AUTS2: variants seen among roughly 807,000 people sequenced by gnomAD.
AUTS2 encodes the protein activator of transcription and developmental regulator AUTS2.
Under a neutral mutation model 112.4 loss-of-function variants are expected in AUTS2, and 17 were observed. That is an observed-to-expected ratio of 0.15 (90% CI 0.10 to 0.23). The LOEUF is 0.23. Among genes scored for constraint, AUTS2 ranks in the 10% least tolerant of loss-of-function variants. The pLI is 1.00. For synonymous variants in AUTS2, 751 were observed against 702.7 expected (o/e 1.07, Z -1.09); for missense variants, 1,510 against 1,701.6 (o/e 0.89, Z 1.98).
intron 4 of AUTS2, among the ~76,000 whole-genome samples, chr7:70,240,216 T>C (rs984665040): frequency 6.6e-6 from 1 of 152,198 alleles, no homozygotes; most frequent in Non-Finnish European, 1.5e-5. Context: ...ATATGGTGCC[T>C]CTTTCAGAGC....
chr7:70,224,336 A>G (rs142312273), intron 4 of AUTS2, among the ~76,000 whole-genome samples: 163 of 9,856 alleles, frequency 0.017, 1 homozygote, highest in African/African-American at 0.039. Flanking sequence ...GTACAGTACA[A>G]TACAATACAA....
chr7:69,876,355 T>TATATATATAA (rs1793767212), intron 1 of AUTS2, among the ~76,000 whole-genome samples: 1 of 80,490 alleles, frequency 1.2e-5, no homozygotes, highest in African/African-American at 5.2e-5. Flanking sequence ...AAAAAATATA[T>TATATATATAA]ATATATATAT....
chr7:70,074,627 C>G (rs1304588843), intron 2 of AUTS2, among the ~76,000 whole-genome samples: 3 of 152,094 alleles, frequency 2.0e-5, no homozygotes, highest in African/African-American at 7.2e-5. Context: ...TCCATTATAC[C>G]CTGTCTAGTC....
intron 1 of AUTS2, among the ~76,000 whole-genome samples, chr7:69,796,848 T>A (rs1244504923): frequency 6.6e-6 from 1 of 152,230 alleles, no homozygotes; most frequent in African/African-American, 2.4e-5. Context: ...ATTGGAATTT[T>A]AAAAATTGTG....
chr7:70,094,338 A>G (rs1804077536), intron 2 of AUTS2, among the ~76,000 whole-genome samples: 2 of 152,224 alleles, frequency 1.3e-5, no homozygotes, highest in East Asian at 3.8e-4. Context: ...ACAGGTATTC[A>G]TGAACTCTGT....
intron 1 of AUTS2, among the ~76,000 whole-genome samples, chr7:69,817,196 G>T (rs549720854): frequency 6.6e-6 from 1 of 152,218 alleles, no homozygotes. Flanking sequence ...GAAAATAGAA[G>T]ACTGACAATT....
At chr7:70,730,475 C>A (rs564023559) in intron 6 of AUTS2, among the ~76,000 whole-genome samples, 1 of 152,156 alleles carries the variant, frequency 6.6e-6, no homozygotes, top group African/African-American at 2.4e-5. Context: ...TGGCTTTGCC[C>A]GTTCCTGGGC....
intron 2 of AUTS2, among the ~76,000 whole-genome samples, chr7:69,929,238 C>T (rs537460209): frequency 6.6e-6 from 1 of 151,990 alleles, no homozygotes; most frequent in Non-Finnish European, 1.5e-5. Context: ...TTGTGTCACT[C>T]TTAGTTTCTG....
chr7:70,295,648 C>T (rs995245425), intron 4 of AUTS2, among the ~76,000 whole-genome samples: 1 of 152,146 alleles, frequency 6.6e-6, no homozygotes, highest in Non-Finnish European at 1.5e-5. Context: ...AACTCAACTG[C>T]TCCCACCTCA....
At chr7:69,939,653 G>T (rs1334965901) in intron 2 of AUTS2, among the ~76,000 whole-genome samples, 1 of 152,174 alleles carries the variant, frequency 6.6e-6, no homozygotes, top group African/African-American at 2.4e-5. Flanking sequence ...TTACACTCTT[G>T]TTAACCCTTT....
chr7:70,619,507 T>C (rs1198447976), intron 5 of AUTS2, among the ~76,000 whole-genome samples: 1 of 152,020 alleles, frequency 6.6e-6, no homozygotes, highest in African/African-American at 2.4e-5. Flanking sequence ...AGCAGATCTT[T>C]TGATTTCCTT....
intron 2 of AUTS2, among the ~76,000 whole-genome samples, chr7:70,058,261 C>A (rs188299632): frequency 6.6e-6 from 1 of 152,258 alleles, no homozygotes; most frequent in Admixed American, 6.5e-5. Context: ...GTGGAGCCAG[C>A]TGTGTAAGGA....
intron 1 of AUTS2, among the ~76,000 whole-genome samples, chr7:69,842,693 G>A (rs1429182496): frequency 6.6e-6 from 1 of 152,196 alleles, no homozygotes; most frequent in Non-Finnish European, 1.5e-5. Context: ...ATTTGGGTGT[G>A]TTAGATGTAT....
chr7:70,426,223 G>A (rs1341475802), intron 4 of AUTS2, among the ~76,000 whole-genome samples: 1 of 152,134 alleles, frequency 6.6e-6, no homozygotes, highest in Non-Finnish European at 1.5e-5. Context: ...TCTGGCTTTG[G>A]CTTCCTGAGT....
rs761880351 is a variant in AUTS2, at chr7:70,785,005, C to T, written c.2210C>T (p.Pro737Leu). The T allele has an allele frequency of 4.3e-6, 7 of 1,614,094 alleles. No homozygotes were observed. Among genetic ancestry groups the T allele is most frequent in the Non-Finnish European group, 5.9e-6 (7 of 1,180,048 alleles). The change falls in exon 16 of 19, where the codon CCT (proline) becomes CTT (leucine). Residue 737 changes from proline (P) to leucine (L), a missense_variant. Coordinates refer to ENST00000342771, the MANE Select transcript of AUTS2 (RefSeq NM_015570.4). The part of the protein sequence containing the change: ...PPPHHSNFLN[P>L]AAHLEPFNRP... Reference sequence around the variant, plus strand: ...CCTCATCACAGCAACTTCCTCAACCCTGCTGCCCACCTAGGTGAGTCGCCC... The same window carrying T: ...CCTCATCACAGCAACTTCCTCAACCTTGCTGCCCACCTAGGTGAGTCGCCC...
intron 5 of AUTS2, among the ~76,000 whole-genome samples, chr7:70,542,643 T>C (rs1031962728): frequency 3.9e-5 from 6 of 152,234 alleles, no homozygotes; most frequent in African/African-American, 1.2e-4. Flanking sequence ...AGCCCCCTGC[T>C]ATTCATTGTC....
At chr7:69,655,259 CAGCAA>C (rs1366229083) in intron 1 of AUTS2, among the ~76,000 whole-genome samples, 2 of 152,212 alleles carry the variant, frequency 1.3e-5, no homozygotes, top group Non-Finnish European at 2.9e-5. Flanking sequence ...GCCGCTTATA[CAGCAA>C]AGCAAACACT....
At chr7:70,355,745 G>A (rs2129624779) in intron 4 of AUTS2, among the ~76,000 whole-genome samples, 1 of 152,262 alleles carries the variant, frequency 6.6e-6, no homozygotes, top group African/African-American at 2.4e-5. Flanking sequence ...CACAGGCACT[G>A]CAGCTGATAT....
intron 6 of AUTS2, among the ~76,000 whole-genome samples, chr7:70,746,807 C>G (rs1374339864): frequency 6.6e-6 from 1 of 152,076 alleles, no homozygotes; most frequent in Non-Finnish European, 1.5e-5. Flanking sequence ...TTTGTGAACA[C>G]GGGGAGTAGC....
Sources: gnomAD v4.1 joint callset for allele counts (sites outside exome capture counted in the v4.1 genomes callset) on GRCh38, gnomAD v4.1.1 for gene constraint, MANE v1.5 for transcripts, NCBI Gene and HGNC (gene_info 2026-07-23, HGNC 2026-07-21) for gene names.